CC2D2A: variants seen among roughly 807,000 people sequenced by gnomAD.
CC2D2A encodes the protein coiled-coil and C2 domain-containing protein 2A.
In CC2D2A, 155 loss-of-function variants were observed where a neutral mutation model predicts 212.9. The ratio of observed to expected loss-of-function variants is 0.73; its 90% CI spans 0.64 to 0.83. The LOEUF is 0.83. CC2D2A is among the 40% of genes least tolerant of loss of function. The pLI, the probability that CC2D2A is intolerant of heterozygous loss-of-function variation, is 0.00. For synonymous variants in CC2D2A, 667 were observed against 686.5 expected (o/e 0.97, Z 0.44); for missense variants, 1,856 against 1,956.2 (o/e 0.95, Z 0.97).
intron 27 of CC2D2A, among the ~76,000 whole-genome samples, chr4:15,569,688 T>C (rs1720069202): frequency 6.6e-6 from 1 of 152,200 alleles, no homozygotes; most frequent in Non-Finnish European, 1.5e-5. Flanking sequence ...AAAAAGATCA[T>C]GGGAAGATGT....
At chr4:15,495,038 C>G (rs1354828736) in intron 4 of CC2D2A, among the ~76,000 whole-genome samples, 1 of 152,168 alleles carries the variant, frequency 6.6e-6, no homozygotes, top group Non-Finnish European at 1.5e-5. Context: ...CAGCATAATA[C>G]CCAATAGGTA....
At chr4:15,488,098 G>A (rs2080177) in intron 4 of CC2D2A, among the ~76,000 whole-genome samples, 56,659 of 151,722 alleles carry the variant, frequency 0.37, 11,083 homozygotes, top group Admixed American at 0.47. Context: ...TTTAAACACC[G>A]CAATTACAGT....
chr4:15,517,183 G>A (rs1481902424), intron 11 of CC2D2A, among the ~76,000 whole-genome samples: 7 of 151,676 alleles, frequency 4.6e-5, no homozygotes, highest in East Asian at 3.9e-4. Flanking sequence ...TCCTGACCTC[G>A]TGATCCGCCC....
At chr4:15,543,636 G>GT (rs1718570199) in intron 17 of CC2D2A, 1 of 152,256 alleles carries the variant, frequency 6.6e-6, no homozygotes, top group Non-Finnish European at 1.5e-5. Context: ...GCAGCCTTCA[G>GT]ATACGTGGTC....
Position 15,510,218 on chromosome 4 carries a change from G to GA in CC2D2A, c.523dup (p.Ile175AsnfsTer4). 1 of 1,610,616 alleles carries GA rather than the reference G, an allele frequency of 6.2e-7. No homozygotes were observed. The highest frequency in any genetic ancestry group is 8.5e-7 in the Non-Finnish European group (1 of 1,179,002). On this transcript the variant is annotated frameshift_variant, in exon 7 of 37. Coordinates refer to ENST00000424120, the MANE Select transcript of CC2D2A (RefSeq NM_001378615.1). LOFTEE classifies it high-confidence loss of function. ...AGAGTCAAGTTCCATGATTCTGCACGAAAAATCAAGCCTAAACCCCAGGTG... is the reference window on the plus strand; with the variant it reads ...AGAGTCAAGTTCCATGATTCTGCACGAAAAAATCAAGCCTAAACCCCAGGTG...
At chr4:15,529,283 G>A (rs1274071787) in intron 13 of CC2D2A, among the ~76,000 whole-genome samples, 3 of 152,072 alleles carry the variant, frequency 2.0e-5, no homozygotes, top group Non-Finnish European at 4.4e-5. Context: ...TCGGAAGGCT[G>A]AGGAAGGAGG....
chr4:15,510,126 T>C lies in CC2D2A; in HGVS notation c.439-13T>C, dbSNP rs1305181844. 5.0e-6 allele frequency: 8 copies of C among 1,593,212 alleles called. No individual in the cohort carries two copies. Among genetic ancestry groups the C allele is most frequent in the Non-Finnish European group, 6.0e-6 (7 of 1,162,740 alleles). Reference sequence around the variant, plus strand: ...TTAAATGGTTTATCTATCATTTTTTTCCACTCATATAGCCAGGGAAAGAGG... The same window carrying C: ...TTAAATGGTTTATCTATCATTTTTTCCCACTCATATAGCCAGGGAAAGAGG... On this transcript the variant is annotated splice_polypyrimidine_tract_variant and intron_variant, in intron 6 of 36. Transcript: ENST00000424120.
At chr4:15,475,562 G>A (rs1475271746) in intron 1 of CC2D2A, among the ~76,000 whole-genome samples, 1 of 152,098 alleles carries the variant, frequency 6.6e-6, no homozygotes, top group Non-Finnish European at 1.5e-5. Flanking sequence ...CTCTGGTCTT[G>A]TCTTTTTACT....
At chr4:15,540,624 T>C (rs1436450012) in intron 16 of CC2D2A, among the ~76,000 whole-genome samples, 3 of 152,202 alleles carry the variant, frequency 2.0e-5, no homozygotes, top group South Asian at 2.1e-4. Context: ...AGTTCTTAAA[T>C]CCTCTGTGCC....
chr4:15,601,307 G>C lies in CC2D2A; in HGVS notation c.4745G>C (p.Gly1582Ala). ...KPLIDAVYST[G>A]VHNIDVPNVE... ...TTAATTGACGCTGTGTATAGTACTG[G>C]AGTACATAATATTGATGTTCCTAAT... is the stretch of plus-strand genomic sequence containing the variant. Residue 1582 changes from glycine (G) to alanine (A), a missense_variant, in exon 37 of 37, where the codon GGA (glycine) becomes GCA (alanine). Coordinates refer to ENST00000424120, the MANE Select transcript of CC2D2A (RefSeq NM_001378615.1). The C allele has an allele frequency of 6.2e-7, 1 of 1,611,976 alleles. No individual in the cohort carries two copies. The highest frequency in any genetic ancestry group is 8.5e-7 in the Non-Finnish European group (1 of 1,178,656).
chr4:15,507,749 A>C (rs770664368), intron 6 of CC2D2A, among the ~76,000 whole-genome samples: 1 of 152,204 alleles, frequency 6.6e-6, no homozygotes, highest in South Asian at 2.1e-4. Context: ...GGGGAATTCA[A>C]TGGGCTTGGA....
At chr4:15,554,133 C>G (rs557679762) in intron 19 of CC2D2A, among the ~76,000 whole-genome samples, 1 of 152,288 alleles carries the variant, frequency 6.6e-6, no homozygotes, top group Admixed American at 6.5e-5. Flanking sequence ...AAGTCAGAAG[C>G]CACTTCCAGT....
chr4:15,567,611 A>G, intron 25 of CC2D2A, 66 bp from the exon 26 acceptor site: 1 of 1,360,994 alleles, frequency 7.3e-7, no homozygotes, highest in Non-Finnish European at 1.0e-6. Context: ...AATATACTCT[A>G]TTTTTGCTAA....
chr4:15,528,608 T>C lies in CC2D2A; in HGVS notation c.1360-12T>C. 6.2e-7 allele frequency: 1 copy of C among 1,610,766 alleles called. No homozygotes were observed. Among genetic ancestry groups the C allele is most frequent in the Non-Finnish European group, 8.5e-7 (1 of 1,177,064 alleles). On this transcript the variant is annotated splice_polypyrimidine_tract_variant and intron_variant, in intron 12 of 36. Coordinates refer to ENST00000424120, the MANE Select transcript of CC2D2A (RefSeq NM_001378615.1). ...GTTTGTAACCCAAAACTTGTATCCA[T>C]GTCGTTTTAAGCTCCAAGCTTTAAG...
rs1223393126 is a variant in CC2D2A, at chr4:15,601,449, T to C, written c.*24T>C. ...AATTTTTTTCACTGTACTTTCTGTA[T>C]CATGTAAAAACTACACTTAGGATAT... On this transcript the variant is annotated 3_prime_UTR_variant, in exon 37 of 37. Coordinates refer to ENST00000424120, the MANE Select transcript of CC2D2A (RefSeq NM_001378615.1). The C allele has an allele frequency of 3.6e-6, 5 of 1,377,976 alleles. No individual in the cohort carries two copies. The highest frequency in any genetic ancestry group is 4.9e-5 in the East Asian group (2 of 40,714). The allele number at this position is 1,377,976 out of a possible 1,614,324, so 85.4% of individuals were successfully genotyped here.
chr4:15,509,423 G>A (rs898260504), intron 6 of CC2D2A, among the ~76,000 whole-genome samples: 5 of 151,952 alleles, frequency 3.3e-5, no homozygotes, highest in Non-Finnish European at 5.9e-5. Flanking sequence ...ACAGGCGCCC[G>A]CCACCACGCC....
intron 17 of CC2D2A, among the ~76,000 whole-genome samples, chr4:15,545,558 T>G (rs1718667498): frequency 6.6e-6 from 1 of 152,086 alleles, no homozygotes; most frequent in Non-Finnish European, 1.5e-5. Flanking sequence ...ACTGTGATGT[T>G]TGATTTCTTG....
At chr4:15,492,372 C>T (rs909184042) in intron 4 of CC2D2A, among the ~76,000 whole-genome samples, 11 of 150,796 alleles carry the variant, frequency 7.3e-5, no homozygotes, top group African/African-American at 2.7e-4. Flanking sequence ...TTCTTGCTTC[C>T]ATTCTCACCC....
rs138287049 is a variant in CC2D2A at position 15,528,812 on chromosome 4, A to G, written c.1466+86A>G. 8.9e-3 allele frequency: 7,546 copies of G among 848,496 alleles called. 58 individuals carry two copies. Among genetic ancestry groups the G allele is most frequent in the South Asian group, 0.026 (1,484 of 57,020 alleles). The allele number at this position is 848,496 out of a possible 1,614,324, so 52.6% of individuals were successfully genotyped here. A position where few individuals can be genotyped will look rare whatever the true frequency, so the allele number is the denominator to read the frequency against. On this transcript the variant is annotated intron_variant, in intron 13 of 36. Transcript: ENST00000424120. ...TTTATTTTTCCAGATACTTTTTCTG[A>G]ATGCAATGAATACATGTGAAATTAT...
Sources: gnomAD v4.1 joint callset for allele counts (sites outside exome capture counted in the v4.1 genomes callset) on GRCh38, gnomAD v4.1.1 for gene constraint, MANE v1.5 for transcripts, NCBI Gene and HGNC (gene_info 2026-07-23, HGNC 2026-07-21) for gene names.